Variants in PDE4B observed in about 807,000 individuals in gnomAD.
PDE4B encodes the protein phosphodiesterase 4B, also known as 3',5'-cyclic-AMP phosphodiesterase 4B.
In PDE4B, 20 loss-of-function variants were observed where a neutral mutation model predicts 82.2. The ratio of observed to expected loss-of-function variants is 0.24; its 90% CI spans 0.17 to 0.35. The LOEUF is 0.35. PDE4B is among the 10% of genes least tolerant of loss of function. The probability of loss-of-function intolerance (pLI) is 1.00; values close to 1 mark genes in which losing one functional copy is unlikely to be tolerated. For synonymous variants in PDE4B, 320 were observed against 318.9 expected (o/e 1.00, Z -0.04); for missense variants, 655 against 907.2 (o/e 0.72, Z 3.57).
chr1:65,880,406 A>T (rs969943997), intron 1 of PDE4B, among the ~76,000 whole-genome samples: 1 of 152,164 alleles, frequency 6.6e-6, no homozygotes, highest in African/African-American at 2.4e-5. Flanking sequence ...TAGGAGGTTG[A>T]TCTCTCTAGG....
chr1:66,091,389 A>C (rs1372988002), intron 3 of PDE4B, among the ~76,000 whole-genome samples: 1 of 152,108 alleles, frequency 6.6e-6, no homozygotes, highest in Non-Finnish European at 1.5e-5. Context: ...TTCCAAAAAA[A>C]ATCAGGTTAC....
rs374953604 is a variant in PDE4B, at chr1:65,857,075, A to G, written c.-70-56170A>G. 5.3e-5 allele frequency among the ~76,000 whole-genome samples: 8 copies of G among 152,266 alleles called. No individual in the cohort carries two copies. The East Asian group carries it at 1.4e-3, about 26-fold the overall frequency. ...TTACCATCATGCTGGTGCCTGTTCT[A>G]GCTCCCTAACTGTTTTCTCTGGGAT... On this transcript the variant is annotated intron_variant, in intron 1 of 16. Transcript: ENST00000341517.
rs192065237 is a variant in PDE4B at position 65,798,634 on chromosome 1, G to A, written c.-71+5386G>A. Among the ~76,000 whole-genome samples the A allele has an allele frequency of 1.9e-3, 295 of 152,198 alleles. 2 individuals carry two copies. The highest frequency in any genetic ancestry group is 6.5e-3 in the African/African-American group (271 of 41,514). On this transcript the variant is annotated intron_variant, in intron 1 of 16. Transcript: ENST00000341517. ...TTCCCAAAGTGCTGGGATTACAGGCGTAAGCCACTGCACCCGGCTTTTTAA... is the reference window on the plus strand; with the variant it reads ...TTCCCAAAGTGCTGGGATTACAGGCATAAGCCACTGCACCCGGCTTTTTAA...
intron 3 of PDE4B, among the ~76,000 whole-genome samples, chr1:66,157,839 A>C (rs1646530990): frequency 6.6e-6 from 1 of 152,232 alleles, no homozygotes; most frequent in Middle Eastern, 3.4e-3. Context: ...CCTTTTAACT[A>C]GAAGTCAAGT....
chr1:66,015,579 G>A (rs1652725403), intron 3 of PDE4B, among the ~76,000 whole-genome samples: 1 of 151,240 alleles, frequency 6.6e-6, no homozygotes, highest in South Asian at 2.1e-4. Context: ...TGGAAGAAGA[G>A]TATTTCCACA....
At chr1:65,881,881 C>T (rs1035488848) in intron 1 of PDE4B, among the ~76,000 whole-genome samples, 1 of 150,568 alleles carries the variant, frequency 6.6e-6, no homozygotes, top group Non-Finnish European at 1.5e-5. Flanking sequence ...GCATTATAAA[C>T]CAAAATAACT....
intron 3 of PDE4B, among the ~76,000 whole-genome samples, chr1:65,985,106 T>G (rs1650888664): frequency 6.6e-6 from 1 of 152,134 alleles, no homozygotes; most frequent in African/African-American, 2.4e-5. Context: ...AATCTTGAAA[T>G]TAAGTCAGCT....
At chr1:66,017,039 G>C (rs1238051152) in intron 3 of PDE4B, among the ~76,000 whole-genome samples, 1 of 152,188 alleles carries the variant, frequency 6.6e-6, no homozygotes, top group Non-Finnish European at 1.5e-5. Flanking sequence ...CTAGAATAGG[G>C]AGCATTAGGT....
intron 3 of PDE4B, among the ~76,000 whole-genome samples, chr1:65,948,610 T>C (rs1648834747): frequency 6.6e-6 from 1 of 151,996 alleles, no homozygotes; most frequent in South Asian, 2.1e-4. Flanking sequence ...CTGACTCAAA[T>C]GTTAATTCCT....
rs534752948 is a variant in PDE4B, at chr1:66,267,058, A to C, written c.634+971A>C. On this transcript the variant is annotated intron_variant, in intron 7 of 16. Coordinates refer to ENST00000341517, the MANE Select transcript of PDE4B (RefSeq NM_002600.4). ...GAAGTATTACAAAAGCTTAGCTTCT[A>C]AAAGAAGGGAACAAAAGCAGCAGAT... The C allele has an allele frequency of 2.8e-3, 439 of 155,688 alleles. 1 individual carries two copies. Among genetic ancestry groups the C allele is most frequent in the Non-Finnish European group, 4.9e-3 (343 of 69,952 alleles). 9.6% of individuals were successfully genotyped at this position (155,688 alleles called of 1,614,324 possible).
At chr1:66,130,967 T>G (rs1271820168) in intron 3 of PDE4B, among the ~76,000 whole-genome samples, 1 of 152,214 alleles carries the variant, frequency 6.6e-6, no homozygotes, top group Non-Finnish European at 1.5e-5. Flanking sequence ...CAAGCCCATG[T>G]AGGCAATATG....
At chr1:66,099,603 G>T (rs1157392479) in intron 3 of PDE4B, among the ~76,000 whole-genome samples, 2 of 151,892 alleles carry the variant, frequency 1.3e-5, no homozygotes, top group East Asian at 3.9e-4. Context: ...TTTCTATTTT[G>T]GCAATCCTAA....
intron 3 of PDE4B, among the ~76,000 whole-genome samples, chr1:66,187,858 A>T (rs1331822409): frequency 6.6e-6 from 1 of 151,394 alleles, no homozygotes; most frequent in African/African-American, 2.4e-5. Flanking sequence ...GATTTTAGTT[A>T]TTTCTTGCCT....
chr1:65,981,618 A>G (rs576138791), intron 3 of PDE4B, among the ~76,000 whole-genome samples: 10 of 151,868 alleles, frequency 6.6e-5, no homozygotes, highest in African/African-American at 1.9e-4. Context: ...TTGGGTTCCA[A>G]TACTTACCAA....
chr1:65,815,547 T>C (rs1645872946), intron 1 of PDE4B, among the ~76,000 whole-genome samples: 1 of 152,166 alleles, frequency 6.6e-6, no homozygotes, highest in Non-Finnish European at 1.5e-5. Context: ...GAAGTGTGTA[T>C]GGAAACTCTG....
intron 1 of PDE4B, among the ~76,000 whole-genome samples, chr1:65,800,401 CT>C (rs776902988): frequency 5.3e-5 from 8 of 152,092 alleles, no homozygotes; most frequent in Non-Finnish European, 1.2e-4. Context: ...CAGTTTTTTT[CT>C]AGTTAATTTC....
At chr1:66,223,930 T>C (rs1207990968) in intron 3 of PDE4B, among the ~76,000 whole-genome samples, 2 of 152,230 alleles carry the variant, frequency 1.3e-5, no homozygotes, top group African/African-American at 4.8e-5. Context: ...TGGCATCATT[T>C]GTGATAACTT....
intron 7 of PDE4B, among the ~76,000 whole-genome samples, chr1:66,323,302 A>G (rs1368322827): frequency 1.3e-5 from 2 of 152,064 alleles, no homozygotes; most frequent in Non-Finnish European, 2.9e-5. Flanking sequence ...TTATTCCTCA[A>G]AATCTCATAA....
intron 4 of PDE4B, among the ~76,000 whole-genome samples, chr1:66,255,026 CTCTTTTCTTT>C (rs533153528): frequency 6.6e-6 from 1 of 151,628 alleles, no homozygotes; most frequent in Non-Finnish European, 1.5e-5. Flanking sequence ...CTTTTCTTTT[CTCTTTTCTTT>C]TCTTTTCTTT....
Sources: allele counts gnomAD v4.1 joint callset (sites outside exome capture counted in the v4.1 genomes callset), GRCh38; gene constraint gnomAD v4.1.1; transcripts MANE v1.5; gene names NCBI Gene and HGNC (gene_info 2026-07-23, HGNC 2026-07-21).